GPC5: variants seen among roughly 807,000 people sequenced by gnomAD.
GPC5 encodes the protein glypican 5, also known as glypican-5.
Under a neutral mutation model 53.9 loss-of-function variants are expected in GPC5, and 47 were observed. The observed-to-expected ratio is 0.87, with a 90% CI of 0.69 to 1.11. The LOEUF is 1.11. Among genes scored for constraint, GPC5 ranks in the 50% most tolerant of loss-of-function variants. The pLI, the probability that GPC5 is intolerant of heterozygous loss-of-function variation, is 0.00. For missense variants in GPC5, 748 were observed against 713.1 expected (o/e 1.05, Z -0.56); for synonymous variants, 286 against 263.3 (o/e 1.09, Z -0.84).
chr13:91,650,746 A>G (rs74104923), intron 2 of GPC5, among the ~76,000 whole-genome samples: 7,859 of 90,340 alleles, frequency 0.087, 811 homozygotes, highest in African/African-American at 0.31. Context: ...CAAAATTCCC[A>G]TAAGTTTTTT....
intron 7 of GPC5, among the ~76,000 whole-genome samples, chr13:92,740,596 C>A (rs543203761): frequency 1.1e-4 from 17 of 152,076 alleles, no homozygotes; most frequent in Admixed American, 3.3e-4. Context: ...AGATACAGGT[C>A]TACTGATCTT....
At chr13:92,005,721 G>A (rs2040600505) in intron 6 of GPC5, among the ~76,000 whole-genome samples, 1 of 152,054 alleles carries the variant, frequency 6.6e-6, no homozygotes, top group Non-Finnish European at 1.5e-5. Context: ...CCTGCACCCA[G>A]GACAGTTCCT....
intron 2 of GPC5, among the ~76,000 whole-genome samples, chr13:91,636,399 T>TGTGTGTGTGTATATACACGTGTGTGCA (rs1491388427): frequency 6.9e-6 from 1 of 144,860 alleles, no homozygotes; most frequent in African/African-American, 2.9e-5. Flanking sequence ...ACATACATTA[T>TGTGTGTGTGTATATACACGTGTGTGCA]GTGTGTGTGT....
intron 5 of GPC5, among the ~76,000 whole-genome samples, chr13:91,759,455 A>C (rs2037364385): frequency 6.6e-6 from 1 of 152,044 alleles, no homozygotes; most frequent in Admixed American, 6.6e-5. Flanking sequence ...TGTGCTATCT[A>C]ATACTAGATT....
chr13:92,031,714 CATATATGTAATATATTACAT>C (rs2040844449), intron 6 of GPC5, among the ~76,000 whole-genome samples: 1 of 23,146 alleles, frequency 4.3e-5, no homozygotes, highest in Non-Finnish European at 8.5e-5. Flanking sequence ...ATATATATTA[CATATATGTAATATATTACAT>C]ATTATATATA....
intron 6 of GPC5, among the ~76,000 whole-genome samples, chr13:91,986,484 G>T (rs1257666506): frequency 6.6e-6 from 1 of 152,132 alleles, no homozygotes; most frequent in Non-Finnish European, 1.5e-5. Flanking sequence ...TTTGTTTGTA[G>T]CTATTTCCTG....
intron 7 of GPC5, among the ~76,000 whole-genome samples, chr13:92,330,440 T>G (rs2043280855): frequency 6.6e-6 from 1 of 152,142 alleles, no homozygotes; most frequent in African/African-American, 2.4e-5. Flanking sequence ...ACAAGCAATT[T>G]CCATGTATAT....
intron 3 of GPC5, among the ~76,000 whole-genome samples, chr13:91,721,064 C>CCTTTCTTTCTTTCTTTCTTTCTTT (rs746835528): frequency 8.2e-6 from 1 of 122,252 alleles, no homozygotes; most frequent in African/African-American, 3.2e-5. Context: ...TCCTTCCTTC[C>CCTTTCTTTCTTTCTTTCTTTCTTT]CTTTCTTTCT....
chr13:92,863,428 G>A (rs923638142), intron 7 of GPC5, among the ~76,000 whole-genome samples: 2 of 152,162 alleles, frequency 1.3e-5, no homozygotes, highest in African/African-American at 4.8e-5. Flanking sequence ...GGGCTCTGTA[G>A]ATATTATCAA....
Position 91,411,527 on chromosome 13 carries a change from G to A in GPC5, c.163+12318G>A, listed in dbSNP as rs191528276. ...GGAGGCAGTAGCTACAGAAGGACTG[G>A]GCAAGTGGAGTGGGGCAGACATAGG... On this transcript the variant is annotated intron_variant, in intron 1 of 7. Transcript: ENST00000377067. Among the ~76,000 whole-genome samples the A allele has an allele frequency of 3.3e-4, 50 of 152,284 alleles. No individual in the cohort carries two copies. The East Asian group carries it at 8.9e-3, about 27-fold the overall frequency.
chr13:91,648,067 A>G (rs1383794397), intron 2 of GPC5, among the ~76,000 whole-genome samples: 3 of 152,280 alleles, frequency 2.0e-5, no homozygotes, highest in East Asian at 1.9e-4. Flanking sequence ...TTACTCACTC[A>G]GTGGTGATCC....
intron 7 of GPC5, among the ~76,000 whole-genome samples, chr13:92,712,115 G>GA (rs79153513): frequency 1.7e-4 from 25 of 148,844 alleles, no homozygotes; most frequent in Admixed American, 6.0e-4. Context: ...TTGTAAAGAT[G>GA]AAAAAAAAAT....
intron 2 of GPC5, among the ~76,000 whole-genome samples, chr13:91,567,640 G>T (rs889563564): frequency 1.3e-5 from 2 of 152,136 alleles, no homozygotes; most frequent in Non-Finnish European, 2.9e-5. Flanking sequence ...TTAGGATACT[G>T]CCAGCTGAGG....
chr13:91,959,329 A>G (rs935387539), intron 6 of GPC5, among the ~76,000 whole-genome samples: 2 of 122,364 alleles, frequency 1.6e-5, no homozygotes, highest in Non-Finnish European at 3.4e-5. Flanking sequence ...ATACATACAA[A>G]CTATTAACAC....
intron 6 of GPC5, among the ~76,000 whole-genome samples, chr13:92,020,409 G>A (rs2040747444): frequency 6.6e-6 from 1 of 152,054 alleles, no homozygotes; most frequent in Admixed American, 6.6e-5. Flanking sequence ...TTAATCTATA[G>A]CTGTTACACC....
intron 2 of GPC5, among the ~76,000 whole-genome samples, chr13:91,494,176 C>T (rs1884106402): frequency 6.6e-6 from 1 of 151,904 alleles, no homozygotes; most frequent in Non-Finnish European, 1.5e-5. Flanking sequence ...AGGCATGAGC[C>T]ACCGCGCCCG....
intron 5 of GPC5, among the ~76,000 whole-genome samples, chr13:91,864,497 A>G (rs2039063386): frequency 6.6e-6 from 1 of 152,208 alleles, no homozygotes; most frequent in Non-Finnish European, 1.5e-5. Flanking sequence ...AATAGTATAT[A>G]TTGTATAGAA....
intron 6 of GPC5, among the ~76,000 whole-genome samples, chr13:91,960,274 A>T (rs1452709724): frequency 1.3e-5 from 2 of 152,020 alleles, no homozygotes; most frequent in African/African-American, 2.4e-5. Flanking sequence ...TGGCATACCT[A>T]TGTATCAATA....
At chr13:92,608,067 T>C (rs1159488086) in intron 7 of GPC5, among the ~76,000 whole-genome samples, 1 of 152,226 alleles carries the variant, frequency 6.6e-6, no homozygotes, top group African/African-American at 2.4e-5. Context: ...AAGAACACTG[T>C]AGATACTGTA....
Sources: gnomAD v4.1 joint callset for allele counts (sites outside exome capture counted in the v4.1 genomes callset) on GRCh38, gnomAD v4.1.1 for gene constraint, MANE v1.5 for transcripts, NCBI Gene and HGNC (gene_info 2026-07-23, HGNC 2026-07-21) for gene names.